The following DGCR2 variants were observed in gnomAD, a reference collection of about 807,000 sequenced individuals.
The protein encoded by DGCR2 is integral membrane protein DGCR2/IDD.
A neutral mutation model predicts 51.6 loss-of-function variants in DGCR2; 24 were observed. The ratio of observed to expected loss-of-function variants is 0.47; its 90% CI spans 0.34 to 0.65. The LOEUF (loss-of-function observed/expected upper bound fraction) is 0.65, where lower values mean the gene tolerates loss of function less well. Among genes scored for constraint, DGCR2 ranks in the 30% least tolerant of loss-of-function variants. The probability of loss-of-function intolerance (pLI) is 0.01; values close to 1 mark genes in which losing one functional copy is unlikely to be tolerated. For synonymous variants in DGCR2, 340 were observed against 315.4 expected, an observed-to-expected ratio of 1.08 and a Z score of -0.82; for missense variants, 765 against 772.1, an observed-to-expected ratio of 0.99 and a Z score of 0.11.
intron 3 of DGCR2, 140 bp from the exon 4 acceptor site, chr22:19,065,207 T>A: frequency 1.4e-6 from 1 of 695,440 alleles, no homozygotes; most frequent in Non-Finnish European, 2.4e-6. Flanking sequence ...GGACAAGGTC[T>A]GCTTCTGAAA....
intron 1 of DGCR2, chr22:19,121,483 T>C (rs1347796680): frequency 1.3e-5 from 2 of 152,218 alleles, no homozygotes; most frequent in Non-Finnish European, 2.9e-5. Flanking sequence ...ACGGTTCTGA[T>C]TCCCCACCAC....
intron 2 of DGCR2, among the ~76,000 whole-genome samples, chr22:19,083,183 T>A: frequency 6.6e-6 from 1 of 152,192 alleles, no homozygotes; most frequent in East Asian, 1.9e-4. Context: ...TTCCTGTATG[T>A]TGTGAGTTAG....
At chr22:19,055,757 A>T (rs1430431094) in intron 6 of DGCR2, 1 of 152,484 alleles carries the variant, frequency 6.6e-6, no homozygotes, top group Non-Finnish European at 1.5e-5. Flanking sequence ...ATTTATCATG[A>T]AGCTCTCTCT....
chr22:19,094,301 G>A (rs976141520), intron 1 of DGCR2, among the ~76,000 whole-genome samples: 21 of 152,120 alleles, frequency 1.4e-4, no homozygotes, highest in African/African-American at 4.6e-4. Context: ...GGTGGCGGGC[G>A]CCTGTAATCC....
At chr22:19,049,023 C>G (rs2082521075) in intron 6 of DGCR2, among the ~76,000 whole-genome samples, 1 of 152,224 alleles carries the variant, frequency 6.6e-6, no homozygotes, top group Non-Finnish European at 1.5e-5. Flanking sequence ...TGTCCAAGAG[C>G]AGTCACTACA....
chr22:19,041,253 A>G lies in DGCR2; in HGVS notation c.1201T>C (p.Tyr401His), dbSNP rs1371532842. ...NLGRRIPGFD[Y>H]GPDGFGTGLT... ...CCCGTGCCAAACCCGTCTGGGCCGT[A>G]ATCAAAGCCAGGGATCCTGCGGCCG... is the stretch of plus-strand genomic sequence containing the variant. Residue 401 changes from tyrosine (Y) to histidine (H), a missense_variant, in exon 9 of 10, where the codon TAC becomes CAC. Transcript: ENST00000263196. The G allele has an allele frequency of 6.2e-7, 1 of 1,613,996 alleles. No homozygotes were observed. The highest frequency in any genetic ancestry group is 8.5e-7 in the Non-Finnish European group (1 of 1,180,006).
chr22:19,103,123 A>T (rs74868373), intron 1 of DGCR2, among the ~76,000 whole-genome samples: 2,123 of 152,320 alleles, frequency 0.014, 28 homozygotes, highest in Admixed American at 0.042. Context: ...ACATAATGCT[A>T]AGTGAAAGAA....
intron 1 of DGCR2, among the ~76,000 whole-genome samples, chr22:19,100,235 C>T (rs2083186685): frequency 6.6e-6 from 1 of 152,048 alleles, no homozygotes; most frequent in Non-Finnish European, 1.5e-5. Context: ...CGCTACTGCA[C>T]TCCAGCCTGT....
intron 1 of DGCR2, among the ~76,000 whole-genome samples, chr22:19,118,921 G>A (rs1392935480): frequency 2.0e-5 from 3 of 152,144 alleles, no homozygotes; most frequent in East Asian, 1.9e-4. Context: ...CCACCATCTC[G>A]CTGTCAGTTA....
rs777200484 is a variant in DGCR2, at chr22:19,057,389, C to G, written c.626-227G>C. 5.9e-5 allele frequency among the ~76,000 whole-genome samples: 9 copies of G among 152,242 alleles called. No individual in the cohort carries two copies. Among genetic ancestry groups the G allele is most frequent in the Admixed American group, 1.3e-4 (2 of 15,290 alleles). The stretch of plus-strand genomic sequence containing the variant: ...CCACTCCTTGGAGCCTGCAAGCACA[C>G]AGGCCACAAACCCTGGGTAGCAGTA... On this transcript the variant is annotated intron_variant, in intron 5 of 9. Transcript: ENST00000263196. This position sits in a 1 kb window ranked among gnomAD's most constrained non-coding sequence, Gnocchi z 5.1.
In DGCR2 at chr22:19,040,085, G is replaced by A. The variant is rs893369714; in HGVS notation, c.1397-964C>T. Among the ~76,000 whole-genome samples, 5 of 152,004 alleles carry A rather than the reference G, an allele frequency of 3.3e-5. No homozygotes were observed. The East Asian group carries it at 5.8e-4, about 18-fold the overall frequency. ...GGCCCCGGTGATGCACCTCCCTCCCGGCCAGCCCCTCACAGCCCCCACCCT... is the reference window on the plus strand; with the variant it reads ...GGCCCCGGTGATGCACCTCCCTCCCAGCCAGCCCCTCACAGCCCCCACCCT... On this transcript the variant is annotated intron_variant, in intron 9 of 9. Coordinates refer to ENST00000263196, the MANE Select transcript of DGCR2 (RefSeq NM_005137.3).
At position 19,091,194 on chromosome 22, in the gene DGCR2, C is replaced by A. The variant is rs942974352; in HGVS notation, c.80-1704G>T. On this transcript the variant is annotated intron_variant, in intron 1 of 9. Coordinates refer to ENST00000263196, the MANE Select transcript of DGCR2 (RefSeq NM_005137.3). Reference sequence around the variant, plus strand: ...AGCAACATGGCAAAATGCCATCTCTCTAAAAATACAAAAAATTAGCCGGGT... The same window carrying A: ...AGCAACATGGCAAAATGCCATCTCTATAAAAATACAAAAAATTAGCCGGGT... Among the ~76,000 whole-genome samples, 7 of 152,018 alleles carry A rather than the reference C, an allele frequency of 4.6e-5. No individual in the cohort carries two copies. The South Asian group carries it at 8.3e-4, about 18-fold the overall frequency.
intron 1 of DGCR2, among the ~76,000 whole-genome samples, chr22:19,120,764 A>C (rs903578310): frequency 3.9e-5 from 6 of 152,198 alleles, no homozygotes; most frequent in African/African-American, 1.4e-4. Flanking sequence ...TTTTCTAAAG[A>C]AGTTAATCAC....
At chr22:19,095,149 G>A (rs970962917) in intron 1 of DGCR2, among the ~76,000 whole-genome samples, 4 of 151,740 alleles carry the variant, frequency 2.6e-5, no homozygotes, top group Non-Finnish European at 5.9e-5. Context: ...GATCACCTGA[G>A]GTCGGGAGTT....
Position 19,039,064 on chromosome 22 carries a change from C to T in DGCR2, c.1454G>A (p.Ser485Asn), listed in dbSNP as rs572723883. ...VSLPAPGDGG[S>N]EGALLRRLEQ... is the part of the protein sequence containing the mutation. Reference sequence around the variant, plus strand: ...CAGGCGCCGGAGTAATGCACCTTCACTCCCACCATCCCCAGGGGCTGGCAG... The same window carrying T: ...CAGGCGCCGGAGTAATGCACCTTCATTCCCACCATCCCCAGGGGCTGGCAG... The change falls in exon 10 of 10, where the codon AGT (serine) becomes AAT (asparagine). Residue 485 changes from serine to asparagine, a missense_variant. Ser to Asn is a conservative substitution (Grantham distance 46). Around this residue, in one of 3 missense-constraint regions of DGCR2, gnomAD observed 205 missense variants for 181.4 expected, o/e 1.13. Coordinates refer to ENST00000263196, the MANE Select transcript of DGCR2 (RefSeq NM_005137.3). 9 of 1,613,282 alleles carry T rather than the reference C, an allele frequency of 5.6e-6. No homozygotes were observed. Among genetic ancestry groups the T allele is most frequent in the South Asian group, 2.2e-5 (2 of 91,080 alleles).
intron 1 of DGCR2, among the ~76,000 whole-genome samples, chr22:19,112,143 C>G (rs561523089): frequency 6.6e-5 from 10 of 151,734 alleles, no homozygotes; most frequent in Non-Finnish European, 1.5e-4. Context: ...CGTGGTGGCA[C>G]GCACCTGTAG....
At chr22:19,066,225 C>G (rs2082746860) in intron 3 of DGCR2, among the ~76,000 whole-genome samples, 1 of 152,076 alleles carries the variant, frequency 6.6e-6, no homozygotes, top group South Asian at 2.1e-4. Context: ...CATGGCGAAA[C>G]CCCCTATCTA....
chr22:19,065,072 A>G lies in DGCR2; in HGVS notation c.329-5T>C, dbSNP rs1468484218. The G allele has an allele frequency of 1.2e-6, 2 of 1,613,290 alleles. No individual in the cohort carries two copies. Among genetic ancestry groups the G allele is most frequent in the South Asian group, 2.2e-5 (2 of 91,012 alleles). ...TCGGGCACTTCCCTAGGAAACATAAAGGACAGAAGGGGAGTTGTCCCCCAA... is the reference window on the plus strand; with the variant it reads ...TCGGGCACTTCCCTAGGAAACATAAGGGACAGAAGGGGAGTTGTCCCCCAA... On this transcript the variant is annotated splice_region_variant and splice_polypyrimidine_tract_variant and intron_variant, in intron 3 of 9. Transcript: ENST00000263196.
intron 1 of DGCR2, among the ~76,000 whole-genome samples, chr22:19,110,020 G>A: frequency 6.6e-6 from 1 of 152,216 alleles, no homozygotes; most frequent in East Asian, 1.9e-4. Flanking sequence ...ACTTTAGTGT[G>A]ATCACCACAG....
Sources: allele counts gnomAD v4.1 joint callset (sites outside exome capture counted in the v4.1 genomes callset), GRCh38; gene constraint gnomAD v4.1.1; regional missense constraint gnomAD v4.1.1; non-coding constraint Gnocchi (gnomAD v3.1); transcripts MANE v1.5; gene names NCBI Gene and HGNC (gene_info 2026-07-23, HGNC 2026-07-21).